The following CNTN6 variants were observed in gnomAD, a reference collection of about 807,000 sequenced individuals.
CNTN6 encodes contactin-6.
Under a neutral mutation model 122.8 loss-of-function variants are expected in CNTN6, and 137 were observed. The observed-to-expected ratio is 1.12, with a 90% CI of 0.97 to 1.29. The LOEUF (loss-of-function observed/expected upper bound fraction) is 1.29. Among genes scored for constraint, CNTN6 ranks in the 50% most tolerant of loss-of-function variants. CNTN6 has a pLI of 0.00. For missense variants in CNTN6, 1,634 were observed against 1,223.4 expected (o/e 1.34, Z -5.01); for synonymous variants, 570 against 426.0 (o/e 1.34, Z -4.16).
At chr3:1,149,369 C>G (rs2092790566) in intron 2 of CNTN6, among the ~76,000 whole-genome samples, 1 of 151,890 alleles carries the variant, frequency 6.6e-6, no homozygotes, top group South Asian at 2.1e-4. Flanking sequence ...GTACTTATAA[C>G]AAAGCAGTAA....
At chr3:1,135,758 G>A (rs368254793) in intron 1 of CNTN6, among the ~76,000 whole-genome samples, 1 of 152,072 alleles carries the variant, frequency 6.6e-6, no homozygotes, top group Non-Finnish European at 1.5e-5. Flanking sequence ...TTGGGAGGCC[G>A]CAGGCGAGTG....
chr3:1,227,446 A>G (rs981925975), intron 3 of CNTN6, among the ~76,000 whole-genome samples: 1 of 152,192 alleles, frequency 6.6e-6, no homozygotes, highest in African/African-American at 2.4e-5. Flanking sequence ...TTTGACATTC[A>G]ATTTTGTGCT....
chr3:1,158,101 G>C (rs56069304), intron 2 of CNTN6, among the ~76,000 whole-genome samples: 28,707 of 152,020 alleles, frequency 0.19, 3,493 homozygotes, highest in African/African-American at 0.33. Flanking sequence ...TTTAGAGGAA[G>C]CCCAAAACTG....
intron 7 of CNTN6, among the ~76,000 whole-genome samples, chr3:1,312,385 C>T (rs748928107): frequency 6.6e-6 from 1 of 151,948 alleles, no homozygotes; most frequent in Non-Finnish European, 1.5e-5. Flanking sequence ...CAGTCTATCA[C>T]CACCTCTCTC....
intron 2 of CNTN6, among the ~76,000 whole-genome samples, chr3:1,174,839 A>G (rs2093419318): frequency 6.6e-6 from 1 of 152,196 alleles, no homozygotes; most frequent in Admixed American, 6.5e-5. Context: ...ATCCTTAAAA[A>G]GTTTATAGTC....
chr3:1,129,780 G>T (rs1007086336), intron 1 of CNTN6, among the ~76,000 whole-genome samples: 1 of 151,998 alleles, frequency 6.6e-6, no homozygotes, highest in East Asian at 1.9e-4. Flanking sequence ...ACTTCTACAT[G>T]AATTTAAGTA....
At chr3:1,384,814 T>C (rs28658001) in intron 19 of CNTN6, among the ~76,000 whole-genome samples, 49,804 of 138,104 alleles carry the variant, frequency 0.36, 9,476 homozygotes, top group African/African-American at 0.49. Context: ...CACACACACA[T>C]ATATATATAT....
At chr3:1,372,587 G>A (rs1709208690) in intron 13 of CNTN6, 113 bp downstream of exon 13, 3 of 931,706 alleles carry the variant, frequency 3.2e-6, no homozygotes, top group Non-Finnish European at 4.7e-6. Context: ...ATCACTGACT[G>A]TTTTTGAAGC....
intron 20 of CNTN6, among the ~76,000 whole-genome samples, chr3:1,387,589 AACAGCTCCGGTCT>A (rs1693231562): frequency 6.6e-6 from 1 of 152,160 alleles, no homozygotes; most frequent in Non-Finnish European, 1.5e-5. Flanking sequence ...GCCGAATAGG[AACAGCTCCGGTCT>A]ACAGCTCCCA....
chr3:1,341,475 T>C (rs1200146197), intron 11 of CNTN6, among the ~76,000 whole-genome samples: 2 of 152,200 alleles, frequency 1.3e-5, no homozygotes, highest in Non-Finnish European at 2.9e-5. Context: ...GTTTTGTTAA[T>C]GTTAAATTGT....
chr3:1,342,771 C>A (rs1704090718), intron 11 of CNTN6, among the ~76,000 whole-genome samples: 1 of 151,996 alleles, frequency 6.6e-6, no homozygotes. Flanking sequence ...GTATTATACC[C>A]TTTAGTTTCA....
intron 1 of CNTN6, among the ~76,000 whole-genome samples, chr3:1,142,212 T>TA (rs67721626): frequency 0.044 from 5,800 of 130,678 alleles, 95 homozygotes; most frequent in African/African-American, 0.054. Flanking sequence ...TTTCCATTCC[T>TA]AAAAAAAAAA....
intron 4 of CNTN6, among the ~76,000 whole-genome samples, chr3:1,241,735 A>G (rs977088519): frequency 4.6e-5 from 7 of 152,174 alleles, no homozygotes; most frequent in African/African-American, 1.7e-4. Flanking sequence ...TCCTCATTTA[A>G]GAATATGCAG....
At chr3:1,390,473 T>G (rs1223371315) in intron 20 of CNTN6, among the ~76,000 whole-genome samples, 14 of 151,306 alleles carry the variant, frequency 9.3e-5, no homozygotes, top group African/African-American at 3.2e-4. Flanking sequence ...GATCCAAAAT[T>G]GACACCCTAA....
chr3:1,272,942 C>T (rs2095050251), intron 4 of CNTN6, among the ~76,000 whole-genome samples: 2 of 152,138 alleles, frequency 1.3e-5, no homozygotes, highest in Admixed American at 6.6e-5. Context: ...CTTGTCCCTC[C>T]CTTGCACCTT....
chr3:1,194,883 G>C (rs1259248134), intron 2 of CNTN6, among the ~76,000 whole-genome samples: 2 of 151,570 alleles, frequency 1.3e-5, no homozygotes, highest in African/African-American at 2.4e-5. Flanking sequence ...CTGTACTTTT[G>C]ATGCTTTGAC....
At chr3:1,374,805 A>G (rs1709621575) in intron 16 of CNTN6, among the ~76,000 whole-genome samples, 1 of 152,136 alleles carries the variant, frequency 6.6e-6, no homozygotes, top group African/African-American at 2.4e-5. Flanking sequence ...ACCTTATTAA[A>G]GTGTGCACAA....
chr3:1,169,313 T>C (rs112695208), intron 2 of CNTN6, among the ~76,000 whole-genome samples: 2,393 of 152,276 alleles, frequency 0.016, 58 homozygotes, highest in African/African-American at 0.047. Context: ...CTAGAGGCTG[T>C]GGTCAGGTGT....
intron 2 of CNTN6, among the ~76,000 whole-genome samples, chr3:1,155,298 T>C (rs998492175): frequency 6.6e-6 from 1 of 152,226 alleles, no homozygotes; most frequent in South Asian, 2.1e-4. Context: ...GCCTGACGCA[T>C]GGTACGCACT....
Sources: gnomAD v4.1 joint callset for allele counts (sites outside exome capture counted in the v4.1 genomes callset) on GRCh38, gnomAD v4.1.1 for gene constraint, MANE v1.5 for transcripts, NCBI Gene and HGNC (gene_info 2026-07-23, HGNC 2026-07-21) for gene names.